The following TRIM37 variants were observed in gnomAD, a reference collection of about 807,000 sequenced individuals.
TRIM37 encodes the protein tripartite motif containing 37, also known as E3 ubiquitin-protein ligase TRIM37.
Under a neutral mutation model 129.8 loss-of-function variants are expected in TRIM37, and 80 were observed. The ratio of observed to expected loss-of-function variants is 0.62; its 90% confidence interval spans 0.51 to 0.74. TRIM37 has a LOEUF of 0.74. Among genes scored for constraint, TRIM37 ranks in the 30% least tolerant of loss-of-function variants. TRIM37 has a pLI of 0.00. For missense variants in TRIM37, 1,054 were observed against 1,176.5 expected (o/e 0.90, Z 1.52); for synonymous variants, 389 against 387.1 (o/e 1.00, Z -0.06).
At chr17:59,087,851 TCTTTC>T (rs201619770) in intron 4 of TRIM37, 2,731 of 192,078 alleles carry the variant, frequency 0.014, 80 homozygotes, top group African/African-American at 0.06. Context: ...GCCACATCAC[TCTTTC>T]CTTTCTTTAC....
At chr17:58,979,059 CT>C (rs893762851), downstream of TRIM37, among the ~76,000 whole-genome samples, 3 of 152,142 alleles carry the variant, frequency 2.0e-5, no homozygotes, top group African/African-American at 7.2e-5. Context: ...CTAACTTACC[CT>C]TCAGGACCAG....
At chr17:59,021,119 T>A (rs1376902799) in intron 19 of TRIM37, among the ~76,000 whole-genome samples, 1 of 152,142 alleles carries the variant, frequency 6.6e-6, no homozygotes, top group Non-Finnish European at 1.5e-5. Flanking sequence ...AGGTTGGGCG[T>A]GGTAGCTCAC....
intron 8 of TRIM37, among the ~76,000 whole-genome samples, 185 bp downstream of exon 8, chr17:59,075,462 G>A (rs996939848): frequency 6.6e-6 from 1 of 151,510 alleles, no homozygotes; most frequent in African/African-American, 2.4e-5. Flanking sequence ...TACTCAGGAG[G>A]CTGAGGCAGG....
At chr17:59,084,490 TAAC>T (rs1232503129) in intron 4 of TRIM37, among the ~76,000 whole-genome samples, 1 of 152,170 alleles carries the variant, frequency 6.6e-6, no homozygotes, top group East Asian at 1.9e-4. Flanking sequence ...TGGTCAACGA[TAAC>T]AATAATCAAG....
At chr17:59,035,204 C>T (rs1156617494) in intron 17 of TRIM37, among the ~76,000 whole-genome samples, 4 of 151,950 alleles carry the variant, frequency 2.6e-5, no homozygotes, top group Admixed American at 6.6e-5. Context: ...GGGTTACAAG[C>T]GTGCGCCATT....
At position 59,106,438 on chromosome 17, in the gene TRIM37, C is replaced by CAG. The variant is rs1235989175; in HGVS notation, c.21+2_21+3insCT. The CAG allele has an allele frequency of 1.2e-6, 2 of 1,614,142 alleles. No individual in the cohort carries two copies. ...CTAACCACCACCCTCACAACCCCCT[C>CAG]ACCTCCACGCTCTGTTCATCCATTG... On this transcript the variant is annotated splice_region_variant and intron_variant, in intron 1 of 23. Coordinates refer to ENST00000262294, the MANE Select transcript of TRIM37 (RefSeq NM_015294.6).
downstream of TRIM37, chr17:58,980,573 A>C (rs1567900646): frequency 1.2e-6 from 2 of 1,614,232 alleles, no homozygotes; most frequent in Non-Finnish European, 8.5e-7. This position sits in a 1 kb window ranked among gnomAD's most constrained non-coding sequence, Gnocchi z 4.7. Context: ...AAATCTTATT[A>C]ATGAGTTAAT....
Position 59,062,597 on chromosome 17 carries a change from T to C in TRIM37, c.912A>G (p.Ser304=), listed in dbSNP as rs145235211. 9.1e-5 allele frequency: 147 copies of C among 1,613,920 alleles called. No homozygotes were observed. The highest frequency in any genetic ancestry group is 1.2e-4 in the Non-Finnish European group (142 of 1,179,970). The change falls in exon 11 of 24, where the codon TCA becomes TCG. Residue 304 remains serine, a synonymous_variant. Coordinates refer to ENST00000262294, the MANE Select transcript of TRIM37 (RefSeq NM_015294.6). The part of the protein sequence containing the change: ...DPVYSPPLQV[S]GLCWRLKVYP... ...AAACTTTTAACCTCCAGCAAAGTCC[T>C]GAAACTTGAAGAGGTGGACTGTAAA...
chr17:59,060,983 G>A (rs773824766), intron 12 of TRIM37, 49 bp downstream of exon 12: 6 of 1,370,080 alleles, frequency 4.4e-6, no homozygotes, highest in Non-Finnish European at 6.2e-6. Flanking sequence ...TTGCTAGGGG[G>A]AAGGTATGTA....
downstream of TRIM37, chr17:58,980,545 TG>T: frequency 6.2e-7 from 1 of 1,614,226 alleles, no homozygotes; most frequent in Non-Finnish European, 8.5e-7. The surrounding 1 kb of genome is among the most constrained non-coding windows in gnomAD (Gnocchi z 4.7). Context: ...TGTTTGGTCC[TG>T]GTGCACCAAA....
rs1472442837 is a variant in TRIM37 at position 59,031,956 on chromosome 17, T to C, written c.1888A>G (p.Ser630Gly). The C allele has an allele frequency of 1.2e-6, 2 of 1,614,196 alleles. No individual in the cohort carries two copies. Among genetic ancestry groups the C allele is most frequent in the Non-Finnish European group, 1.7e-6 (2 of 1,180,022 alleles). Residue 630 changes from serine (S) to glycine (G), a missense_variant, in exon 18 of 24, where the codon AGT becomes GGT. Physicochemically the swap from Ser to Gly is moderately conservative, Grantham distance 56 (BLOSUM62 0). Coordinates refer to ENST00000262294, the MANE Select transcript of TRIM37 (RefSeq NM_015294.6). ...TGTAAGCCCCACAAATTTTCTATAC[T>C]GCTCCGGTCCTTAAGGTCCAACAAA... ...IHLLDLKDRS[S>G]IENLWGLQPR...
intron 24 of TRIM37, among the ~76,000 whole-genome samples, chr17:58,987,596 C>T (rs1261850511): frequency 1.3e-5 from 2 of 152,218 alleles, no homozygotes; most frequent in Admixed American, 6.5e-5. Context: ...AGTTCTAAAA[C>T]TTCTATAAAT....
intron 3 of TRIM37, chr17:59,089,962 T>C (rs1383719860): frequency 6.6e-6 from 1 of 152,046 alleles, no homozygotes; most frequent in East Asian, 1.9e-4. Flanking sequence ...TTAGCTGGCA[T>C]GGTAGCACAC....
chr17:59,048,024 G>A (rs1226424316), intron 15 of TRIM37, among the ~76,000 whole-genome samples: 5 of 152,068 alleles, frequency 3.3e-5, no homozygotes, highest in African/African-American at 9.7e-5. Flanking sequence ...TATGCGTGCC[G>A]CCTTCAGCTG....
intron 16 of TRIM37, among the ~76,000 whole-genome samples, chr17:59,042,700 T>C (rs769407594): frequency 1.3e-4 from 20 of 150,420 alleles, no homozygotes; most frequent in Admixed American, 3.3e-4. Flanking sequence ...GAGGTGGAGG[T>C]TGTAGTGAGC....
chr17:59,006,610 G>T (rs1313847904), intron 22 of TRIM37, among the ~76,000 whole-genome samples: 13 of 152,030 alleles, frequency 8.6e-5, no homozygotes. Flanking sequence ...TGGCTGGCTG[G>T]GTGCGCGGTG....
At chr17:58,981,983 A>C (rs2031382021), downstream of TRIM37, 1 of 152,668 alleles carries the variant, frequency 6.6e-6, no homozygotes, top group Non-Finnish European at 1.5e-5. Context: ...ATGTACTACT[A>C]TAAAATACAA....
At chr17:58,985,785 A>G (rs1280452588) in intron 24 of TRIM37, among the ~76,000 whole-genome samples, 1 of 152,156 alleles carries the variant, frequency 6.6e-6, no homozygotes, top group Non-Finnish European at 1.5e-5. Flanking sequence ...TTAATTTTAC[A>G]TAGTTTCAAA....
chr17:59,036,951 A>G (rs571905068), intron 17 of TRIM37, among the ~76,000 whole-genome samples: 2 of 151,918 alleles, frequency 1.3e-5, no homozygotes, highest in Admixed American at 1.3e-4. Context: ...CATCTCTACT[A>G]AAAATACAAA....
Sources: allele counts gnomAD v4.1 joint callset (sites outside exome capture counted in the v4.1 genomes callset), GRCh38; gene constraint gnomAD v4.1.1; non-coding constraint Gnocchi (gnomAD v3.1); transcripts MANE v1.5; gene names NCBI Gene and HGNC (gene_info 2026-07-23, HGNC 2026-07-21).